The following ECH1 variants were observed in gnomAD, a reference collection of about 807,000 sequenced individuals.
ECH1 encodes enoyl-CoA hydratase 1.
In ECH1, 30 loss-of-function variants were observed where a neutral mutation model predicts 37.0. The observed-to-expected ratio is 0.81, with a 90% confidence interval of 0.61 to 1.10. The LOEUF (loss-of-function observed/expected upper bound fraction) is 1.10, where lower values mean the gene tolerates loss of function less well. ECH1 is among the 50% of genes least tolerant of loss of function. The pLI is 0.00. For synonymous variants in ECH1, 178 were observed against 176.0 expected (o/e 1.01, Z -0.09); for missense variants, 456 against 441.6 (o/e 1.03, Z -0.29).
chr19:38,816,297 T>A lies in ECH1; in HGVS notation c.718A>T (p.Ser240Cys), dbSNP rs762862638. 5.0e-6 allele frequency: 8 copies of A among 1,613,356 alleles called. No individual in the cohort carries two copies. Among genetic ancestry groups the A allele is most frequent in the South Asian group, 1.1e-5 (1 of 91,036 alleles). Residue 240 changes from serine (S) to cysteine (C), a missense_variant, in exon 8 of 10, where the codon AGT (serine) becomes TGT (cysteine). Transcript: ENST00000221418. ...CCATGGCCCTACCTGACCAGCCCAC[T>A]GCCCAGGGCCTCGTCAGCCATCATC... is the stretch of plus-strand genomic sequence containing the variant. ...RKMMADEALG[S>C]GLVSRVFPDK...
intron 3 of ECH1, 158 bp from the exon 4 acceptor site, chr19:38,817,733 T>C (rs1971601563): frequency 1.0e-6 from 1 of 985,106 alleles, no homozygotes; most frequent in African/African-American, 1.7e-5. Flanking sequence ...TGATTGCATG[T>C]TGGGTGGGAA....
chr19:38,816,089 C>A, intron 8 of ECH1, 82 bp from the exon 9 acceptor site: 1 of 1,579,640 alleles, frequency 6.3e-7, no homozygotes, highest in Non-Finnish European at 8.6e-7. Flanking sequence ...AGTGGCCACT[C>A]ACAGAGGAAG....
chr19:38,827,778 C>T (rs1486885244), intron 3 of ECH1, among the ~76,000 whole-genome samples: 1 of 152,122 alleles, frequency 6.6e-6, no homozygotes, highest in African/African-American at 2.4e-5. Flanking sequence ...GCCATCCTCC[C>T]ACCTCAGCCT....
rs773450698 is a variant in ECH1, at chr19:38,816,269, C to T, written c.731+15G>A. On this transcript the variant is annotated intron_variant, in intron 8 of 9. Coordinates refer to ENST00000221418, the MANE Select transcript of ECH1 (RefSeq NM_001398.3). ...GGCTGCCCCCAGCACTGAGCTACCA[C>T]GGCCATGGCCCTACCTGACCAGCCC... The T allele has an allele frequency of 1.9e-5, 31 of 1,612,082 alleles. No individual in the cohort carries two copies. The highest frequency in any genetic ancestry group is 1.7e-4 in the Admixed American group (10 of 59,966).
At chr19:38,831,614 T>G in intron 1 of ECH1, 98 bp from the exon 2 acceptor site, 1 of 1,567,704 alleles carries the variant, frequency 6.4e-7, no homozygotes, top group Non-Finnish European at 8.7e-7. Flanking sequence ...CACCCCTGAA[T>G]TTAGGGGACT....
Position 38,822,724 on chromosome 19 carries a change from T to C in ECH1, c.350-5149A>G, listed in dbSNP as rs140385245. 8.9e-3 allele frequency among the ~76,000 whole-genome samples: 1,361 copies of C among 152,276 alleles called. 19 individuals carry two copies. The highest frequency in any genetic ancestry group is 0.032 in the African/African-American group (1,310 of 41,538). Reference sequence around the variant, plus strand: ...CGCACCAGTCAGCACCCTGTCAAAATGGACCAATCAGCTCTCTGTAAAACA... The same window carrying C: ...CGCACCAGTCAGCACCCTGTCAAAACGGACCAATCAGCTCTCTGTAAAACA... On this transcript the variant is annotated intron_variant, in intron 3 of 9. Coordinates refer to ENST00000221418, the MANE Select transcript of ECH1 (RefSeq NM_001398.3).
chr19:38,816,185 T>C, intron 8 of ECH1, 99 bp downstream of exon 8: 1 of 1,512,626 alleles, frequency 6.6e-7, no homozygotes, highest in East Asian at 2.3e-5. Context: ...AGGATGCCAC[T>C]AGGAATTCTA....
At chr19:38,829,082 CAAGACCCG>C (rs1971779222) in intron 3 of ECH1, among the ~76,000 whole-genome samples, 1 of 150,662 alleles carries the variant, frequency 6.6e-6, no homozygotes, top group African/African-American at 2.4e-5. Flanking sequence ...GCCAGGAGTT[CAAGACCCG>C]CCTGGCCAAA....
At chr19:38,822,656 T>G (rs997699836) in intron 3 of ECH1, among the ~76,000 whole-genome samples, 2 of 152,176 alleles carry the variant, frequency 1.3e-5, no homozygotes, top group Admixed American at 1.3e-4. Flanking sequence ...GCTAATCTAG[T>G]GGGGACTTGG....
At chr19:38,828,101 A>T (rs1366385184) in intron 3 of ECH1, among the ~76,000 whole-genome samples, 1 of 152,204 alleles carries the variant, frequency 6.6e-6, no homozygotes, top group African/African-American at 2.4e-5. Flanking sequence ...CAACTAAGCT[A>T]CCAAAACACG....
intron 3 of ECH1, chr19:38,820,452 CCAAAATCCCAGCTCTGCCA>C (rs1349355452): frequency 2.0e-5 from 3 of 152,096 alleles, no homozygotes; most frequent in Non-Finnish European, 2.9e-5. Context: ...AGCATGAGTT[CCAAAATCCCAGCTCTGCCA>C]CTTACAAGCT....
intron 8 of ECH1, 22 bp downstream of exon 8, chr19:38,816,262 G>GCTAC: frequency 1.9e-6 from 3 of 1,611,760 alleles, no homozygotes; most frequent in Non-Finnish European, 2.5e-6. Flanking sequence ...CCAGCACTGA[G>GCTAC]CTACCACGGC....
intron 3 of ECH1, among the ~76,000 whole-genome samples, chr19:38,830,650 CAAAA>C (rs55649550): frequency 2.7e-5 from 2 of 75,372 alleles, no homozygotes; most frequent in Non-Finnish European, 5.7e-5. Context: ...ATATTGTCTC[CAAAA>C]AAAAAAAAAA....
chr19:38,820,988 A>C (rs1388110949), intron 3 of ECH1, among the ~76,000 whole-genome samples: 1 of 152,236 alleles, frequency 6.6e-6, no homozygotes, highest in East Asian at 1.9e-4. Context: ...ATGCAGAAAG[A>C]AAGCAGGAGG....
chr19:38,817,685 C>A, intron 3 of ECH1, 110 bp from the exon 4 acceptor site: 3 of 1,429,420 alleles, frequency 2.1e-6, no homozygotes, highest in South Asian at 1.5e-5. Context: ...ACCACCAAGG[C>A]GGAAAAAAAA....
At chr19:38,829,512 G>T (rs1971787555) in intron 3 of ECH1, among the ~76,000 whole-genome samples, 1 of 151,204 alleles carries the variant, frequency 6.6e-6, no homozygotes, top group Non-Finnish European at 1.5e-5. Context: ...ATGGAAATTG[G>T]AGAATTGAAA....
intron 3 of ECH1, 185 bp from the exon 4 acceptor site, chr19:38,817,760 A>G: frequency 1.0e-6 from 1 of 985,072 alleles, no homozygotes; most frequent in Non-Finnish European, 1.2e-6. Flanking sequence ...AAAAGCTAAT[A>G]TTTGTGGAGT....
chr19:38,827,229 G>A (rs1971752446), intron 3 of ECH1, among the ~76,000 whole-genome samples: 1 of 152,186 alleles, frequency 6.6e-6, no homozygotes, highest in Non-Finnish European at 1.5e-5. Flanking sequence ...AGTTGGGAAC[G>A]CCATGACAAC....
At chr19:38,818,476 C>T (rs1374076849) in intron 3 of ECH1, 1 of 746,616 alleles carries the variant, frequency 1.3e-6, no homozygotes, top group Non-Finnish European at 1.6e-6. Flanking sequence ...GGGTCAGATC[C>T]TCTTTTTTTT....
Sources: gnomAD v4.1 joint callset for allele counts (sites outside exome capture counted in the v4.1 genomes callset) on GRCh38, gnomAD v4.1.1 for gene constraint, MANE v1.5 for transcripts, NCBI Gene and HGNC (gene_info 2026-07-23, HGNC 2026-07-21) for gene names.